The following CATSPER4 variants were observed in gnomAD, a reference collection of about 807,000 sequenced individuals.
CATSPER4 encodes cation channel sperm-associated protein 4.
A neutral mutation model predicts 54.4 loss-of-function variants in CATSPER4; 46 were observed. The ratio of observed to expected loss-of-function variants is 0.84; its 90% confidence interval spans 0.67 to 1.08. CATSPER4 has a LOEUF of 1.08. CATSPER4 is among the 50% of genes least tolerant of loss of function. CATSPER4 has a pLI of 0.00. For synonymous variants in CATSPER4, 230 were observed against 231.9 expected (o/e 0.99, Z 0.08); for missense variants, 574 against 612.8 (o/e 0.94, Z 0.67).
chr1:26,196,402 C>CCT lies in CATSPER4; in HGVS notation c.460-1284_460-1283insCT, dbSNP rs2088938843. On this transcript the variant is annotated intron_variant, in intron 3 of 9. Transcript: ENST00000456354. ...CATTTGACACGTTGGTTTTCTTTTC[C>CCT]TTTTTTTTTTTTTTTTTTTTTTTTT... Among the ~76,000 whole-genome samples, 116 of 82,452 alleles carry CCT rather than the reference C, an allele frequency of 1.4e-3. 1 individual carries two copies. Among genetic ancestry groups the CCT allele is most frequent in the Admixed American group, 0.012 (73 of 6,294 alleles). 54.1% of individuals were successfully genotyped at this position (82,452 alleles called of 152,430 possible).
chr1:26,196,870 A>T (rs1402291615), intron 3 of CATSPER4, among the ~76,000 whole-genome samples: 2 of 151,114 alleles, frequency 1.3e-5, no homozygotes, highest in Non-Finnish European at 2.9e-5. Flanking sequence ...TATTGGACAA[A>T]GGGCTTGCAA....
chr1:26,198,864 A>T (rs1011966016), intron 6 of CATSPER4, among the ~76,000 whole-genome samples: 2 of 152,150 alleles, frequency 1.3e-5, no homozygotes, highest in Non-Finnish European at 2.9e-5. Context: ...TTTTCTATTA[A>T]GTCTAAGCCC....
chr1:26,197,874 C>T lies in CATSPER4; in HGVS notation c.558-83C>T, dbSNP rs1357501293. On this transcript the variant is annotated intron_variant, in intron 4 of 9. Coordinates refer to ENST00000456354, the MANE Select transcript of CATSPER4 (RefSeq NM_198137.2). Reference sequence around the variant, plus strand: ...AACGACCAGCTGGAGATCAGCTTTGCCTCTCTGGGCAGCTGGTGGGGGTAA... The same window carrying T: ...AACGACCAGCTGGAGATCAGCTTTGTCTCTCTGGGCAGCTGGTGGGGGTAA... 3.1e-6 allele frequency: 5 copies of T among 1,608,642 alleles called. No homozygotes were observed. The African/African-American group carries it at 5.4e-5, about 17-fold the overall frequency.
Position 26,190,750 on chromosome 1 carries a change from C to A in CATSPER4, c.123C>A (p.Arg41=). The A allele has an allele frequency of 6.2e-7, 1 of 1,613,448 alleles. No homozygotes were observed. Among genetic ancestry groups the A allele is most frequent in the Non-Finnish European group, 8.5e-7 (1 of 1,179,878 alleles). Residue 41 remains arginine (R), a synonymous_variant, in exon 1 of 10, where the codon CGC becomes CGA. Coordinates refer to ENST00000456354, the MANE Select transcript of CATSPER4 (RefSeq NM_198137.2). ...FGGAVAALRG[R]PSPLQSTIHE... ...GGGCAGTAGCTGCACTGAGGGGCCG[C>A]CCCTCTCCCCTGCAGAGTACCATTC...
chr1:26,200,184 G>T, intron 7 of CATSPER4, 126 bp downstream of exon 7: 1 of 1,104,742 alleles, frequency 9.1e-7, no homozygotes. Flanking sequence ...TGGAGGCCTG[G>T]AGGCAGCAGC....
chr1:26,201,445 A>T lies in CATSPER4; in HGVS notation c.1291A>T (p.Thr431Ser). 1.2e-6 allele frequency: 2 copies of T among 1,613,850 alleles called. No homozygotes were observed. The highest frequency in any genetic ancestry group is 1.7e-6 in the Non-Finnish European group (2 of 1,179,776). ...RRSSTSGSLE[T>S]TSSKDIRQMS... ...CTCGTCGACGAGCGGGTCGTTGGAG[A>T]CTACGTCATCCAAGGACATCCGCCA... is the stretch of plus-strand genomic sequence containing the variant. Residue 431 changes from threonine to serine, a missense_variant, in exon 9 of 10, where the codon ACT (threonine) becomes TCT (serine). Coordinates refer to ENST00000456354, the MANE Select transcript of CATSPER4 (RefSeq NM_198137.2).
chr1:26,201,594 A>G (rs2089009123), intron 9 of CATSPER4, 75 bp downstream of exon 9: 1 of 1,465,240 alleles, frequency 6.8e-7, no homozygotes, highest in African/African-American at 1.4e-5. Context: ...GGGCCTCTGG[A>G]CCATTTGTCA....
chr1:26,200,671 C>T (rs1257088000), intron 7 of CATSPER4, among the ~76,000 whole-genome samples, 159 bp from the exon 8 acceptor site: 1 of 151,782 alleles, frequency 6.6e-6, no homozygotes, highest in Non-Finnish European at 1.5e-5. Flanking sequence ...AAGTTGGGTT[C>T]CCCCAGCAAG....
Position 26,201,011 on chromosome 1 carries a change from A to G in CATSPER4, c.1169A>G (p.Gln390Arg), listed in dbSNP as rs1384731244. 1.9e-6 allele frequency: 3 copies of G among 1,614,170 alleles called. No individual in the cohort carries two copies. Among genetic ancestry groups the G allele is most frequent in the Non-Finnish European group, 2.5e-6 (3 of 1,180,002 alleles). Residue 390 changes from glutamine to arginine, a missense_variant, in exon 8 of 10, where the codon CAG (glutamine) becomes CGG (arginine). Transcript: ENST00000456354. ...GAGGCAATACAGGAGAACCTGAGGC[A>G]GTACAAGGAGATCCGAGATGAACTC... Reference protein sequence around the residue: ...VLEAIQENLRQYKEIRDELNM... With the variant: ...VLEAIQENLRRYKEIRDELNM...
rs771206718 is a variant in CATSPER4 at position 26,200,892 on chromosome 1, C to G, written c.1050C>G (p.Arg350=). 8.7e-6 allele frequency: 14 copies of G among 1,614,062 alleles called. No individual in the cohort carries two copies. In the African/African-American group the frequency reaches 1.5e-4, roughly 17 times the overall value. Residue 350 remains arginine (R), a synonymous_variant, in exon 8 of 10, where the codon CGC becomes CGG. Coordinates refer to ENST00000456354, the MANE Select transcript of CATSPER4 (RefSeq NM_198137.2). Reference sequence around the variant, plus strand: ...CACTGGTGCATTGTGTGGTCGCCCGCTCGGAGAAATCTGGTCTCCTCCAGG... The same window carrying G: ...CACTGGTGCATTGTGTGGTCGCCCGGTCGGAGAAATCTGGTCTCCTCCAGG... ...QLPLVHCVVA[R]SEKSGLLQEP... is the part of the protein sequence containing the mutation.
chr1:26,190,971 T>C lies in CATSPER4; in HGVS notation c.213+131T>C, dbSNP rs2088860610. ...ACCCTCCCTAGCACTGATCCCTGAG[T>C]GACTGCCCATGATATGTTAGTAACT... On this transcript the variant is annotated intron_variant, in intron 1 of 9. Coordinates refer to ENST00000456354, the MANE Select transcript of CATSPER4 (RefSeq NM_198137.2). The C allele has an allele frequency of 3.6e-6, 3 of 834,924 alleles. No homozygotes were observed. In the South Asian group the frequency reaches 4.4e-5, roughly 12 times the overall value. The allele number at this position is 834,924 out of a possible 1,614,324, so 51.7% of individuals were successfully genotyped here.
intron 3 of CATSPER4, 147 bp from the exon 4 acceptor site, chr1:26,197,539 G>C: frequency 1.5e-6 from 1 of 668,580 alleles, no homozygotes; most frequent in Non-Finnish European, 2.7e-6. Context: ...TTGGGGGGCG[G>C]CAGGGTAACA....
At chr1:26,193,225 C>T (rs1442730808) in intron 2 of CATSPER4, among the ~76,000 whole-genome samples, 1 of 152,006 alleles carries the variant, frequency 6.6e-6, no homozygotes, top group Non-Finnish European at 1.5e-5. Flanking sequence ...CCCCAGTCAC[C>T]CATCTACCAA....
intron 2 of CATSPER4, among the ~76,000 whole-genome samples, chr1:26,192,329 C>G (rs949330117): frequency 1.3e-5 from 2 of 151,948 alleles, no homozygotes; most frequent in African/African-American, 2.4e-5. Flanking sequence ...GTGGTTCATG[C>G]CTGTAATCCC....
chr1:26,199,697 TGGCAGCACAG>T (rs939047539), intron 6 of CATSPER4, among the ~76,000 whole-genome samples, 177 bp from the exon 7 acceptor site: 18 of 152,192 alleles, frequency 1.2e-4, no homozygotes, highest in African/African-American at 4.3e-4. Context: ...GCTCACTGTC[TGGCAGCACAG>T]TAGGTGCTTA....
Position 26,190,839 on chromosome 1 carries a change from C to T in CATSPER4, c.212C>T (p.Ala71Val), listed in dbSNP as rs140155427. 22 of 1,606,196 alleles carry T rather than the reference C, an allele frequency of 1.4e-5. No homozygotes were observed. In the African/African-American group the frequency reaches 2.0e-4, roughly 15 times the overall value. ...AACCGCCAGGAAATCACGAACAAAG[C>T]GGTAAGGATAGCTCTCGCCCCACAG... is the stretch of plus-strand genomic sequence containing the variant. ...LINRQEITNK[A>V]DAWDMQEFIT... The change falls in exon 1 of 10, where the codon GCG becomes GTG. Residue 71 changes from alanine (A) to valine (V), a missense_variant and splice_region_variant. Physicochemically the swap from Ala to Val is moderately conservative, Grantham distance 64. Transcript: ENST00000456354.
chr1:26,200,835 C>A lies in CATSPER4; in HGVS notation c.993C>A (p.Gly331=), dbSNP rs201719884. 3.1e-6 allele frequency: 5 copies of A among 1,613,248 alleles called. No homozygotes were observed. The highest frequency in any genetic ancestry group is 4.2e-6 in the Non-Finnish European group (5 of 1,179,292). ...QQQRITFSET[G]AEEEEENDQL... ...CTCTATCCCCCGCTTCCCAGACAGG[C>A]GCAGAGGAAGAGGAGGAGAATGACC... The change falls in exon 8 of 10, where the codon GGC becomes GGA. Residue 331 remains glycine (G), a synonymous_variant. Coordinates refer to ENST00000456354, the MANE Select transcript of CATSPER4 (RefSeq NM_198137.2).
At chr1:26,196,501 C>T (rs1209401201) in intron 3 of CATSPER4, among the ~76,000 whole-genome samples, 1 of 148,580 alleles carries the variant, frequency 6.7e-6, no homozygotes, top group Non-Finnish European at 1.5e-5. Context: ...CAGCCTCGAC[C>T]TCCTGGGTTC....
chr1:26,201,664 CTTTTTTCTTT>C (rs1187604455), intron 9 of CATSPER4, 145 bp downstream of exon 9: 11 of 661,724 alleles, frequency 1.7e-5, no homozygotes, highest in Non-Finnish European at 5.3e-6. Context: ...CCTTTTTTTT[CTTTTTTCTTT>C]TTCTTTCTTT....
Sources: allele counts gnomAD v4.1 joint callset (sites outside exome capture counted in the v4.1 genomes callset), GRCh38; gene constraint gnomAD v4.1.1; transcripts MANE v1.5; gene names NCBI Gene and HGNC (gene_info 2026-07-23, HGNC 2026-07-21).